Variants in HSF2BP observed in about 807,000 individuals in gnomAD.
The protein encoded by HSF2BP is heat shock transcription factor 2 binding protein.
HSF2BP carries 35 observed loss-of-function variants against 35.0 expected under a neutral mutation model. The observed-to-expected ratio is 1.00, with a 90% confidence interval of 0.76 to 1.32. The LOEUF is 1.32. Ranked by LOEUF, HSF2BP falls within the 40% of genes most tolerant of loss-of-function variation. The probability of loss-of-function intolerance (pLI) is 0.00; values close to 1 mark genes in which losing one functional copy is unlikely to be tolerated. For missense variants in HSF2BP, 326 were observed against 321.7 expected (o/e 1.01, Z -0.10); for synonymous variants, 114 against 117.4 (o/e 0.97, Z 0.18).
At chr21:43,656,794 G>T in intron 2 of HSF2BP, 57 bp from the exon 3 acceptor site, 2 of 1,491,512 alleles carry the variant, frequency 1.3e-6, no homozygotes, top group Non-Finnish European at 1.8e-6. Context: ...AAAAACAACA[G>T]CTCAAGTTAA....
chr21:43,618,539 G>T (rs1206882551), intron 6 of HSF2BP, among the ~76,000 whole-genome samples: 1 of 152,114 alleles, frequency 6.6e-6, no homozygotes, highest in Admixed American at 6.5e-5. Context: ...TTGAACAAAT[G>T]GTGCTAAAAC....
chr21:43,622,484 A>T (rs1584917), intron 6 of HSF2BP, among the ~76,000 whole-genome samples: 2 of 152,038 alleles, frequency 1.3e-5, no homozygotes, highest in South Asian at 4.1e-4. Flanking sequence ...GTGGAAAAAG[A>T]TATCTATGCA....
intron 7 of HSF2BP, among the ~76,000 whole-genome samples, chr21:43,599,144 T>C (rs1490442768): frequency 6.6e-6 from 1 of 152,242 alleles, no homozygotes; most frequent in Non-Finnish European, 1.5e-5. Flanking sequence ...GACTGCCATT[T>C]AGATTTAAGG....
chr21:43,601,984 TG>T (rs1487235869), intron 7 of HSF2BP, among the ~76,000 whole-genome samples: 1 of 152,214 alleles, frequency 6.6e-6, no homozygotes, highest in Non-Finnish European at 1.5e-5. Context: ...CCAATACTTA[TG>T]TGAAAAAGGG....
chr21:43,603,552 C>T (rs944339467), intron 7 of HSF2BP, among the ~76,000 whole-genome samples: 2 of 152,206 alleles, frequency 1.3e-5, no homozygotes, highest in African/African-American at 4.8e-5. Context: ...TGTCAAGTGG[C>T]CATCTCCAGC....
intron 4 of HSF2BP, among the ~76,000 whole-genome samples, chr21:43,639,042 GGAGA>G (rs1215170201): frequency 1.3e-5 from 2 of 152,172 alleles, no homozygotes; most frequent in Non-Finnish European, 2.9e-5. Context: ...ATTCAATGAA[GGAGA>G]GAGAGTCTTT....
intron 7 of HSF2BP, among the ~76,000 whole-genome samples, chr21:43,607,919 T>C (rs2082154275): frequency 1.3e-5 from 2 of 152,198 alleles, no homozygotes; most frequent in South Asian, 4.1e-4. Flanking sequence ...ACTGGACCAC[T>C]ACCTCTAACC....
chr21:43,648,079 A>G (rs1184398438), intron 3 of HSF2BP, among the ~76,000 whole-genome samples: 1 of 152,172 alleles, frequency 6.6e-6, no homozygotes, highest in Non-Finnish European at 1.5e-5. Context: ...GGGTGATATT[A>G]AAACACCACA....
chr21:43,645,293 T>A (rs1265717873), intron 3 of HSF2BP, among the ~76,000 whole-genome samples: 4 of 152,212 alleles, frequency 2.6e-5, no homozygotes, highest in Non-Finnish European at 5.9e-5. Flanking sequence ...CTGGGTTCCA[T>A]CCACAGTTTC....
chr21:43,605,471 C>T (rs1297586540), intron 7 of HSF2BP, among the ~76,000 whole-genome samples: 1 of 145,782 alleles, frequency 6.9e-6, no homozygotes, highest in Non-Finnish European at 1.5e-5. Context: ...CCCACACACC[C>T]CCACACGCCA....
At chr21:43,588,421 G>C (rs2081884749) in intron 8 of HSF2BP, among the ~76,000 whole-genome samples, 3 of 151,952 alleles carry the variant, frequency 2.0e-5, no homozygotes, top group African/African-American at 7.3e-5. Flanking sequence ...CCAGCACTAA[G>C]GCTTCCACCC....
At chr21:43,576,845 TTAA>T (rs145097759) in intron 8 of HSF2BP, among the ~76,000 whole-genome samples, 138 of 152,284 alleles carry the variant, frequency 9.1e-4, no homozygotes, top group African/African-American at 3.2e-3. Flanking sequence ...TCACTTATTA[TTAA>T]TAACAGCTAT....
chr21:43,652,338 G>C (rs2082798815), intron 3 of HSF2BP, among the ~76,000 whole-genome samples: 1 of 149,788 alleles, frequency 6.7e-6, no homozygotes, highest in South Asian at 2.2e-4. Context: ...GGGAGGCAGA[G>C]GTTGCAGTGA....
chr21:43,647,712 T>G (rs369207043), intron 3 of HSF2BP, among the ~76,000 whole-genome samples: 16 of 151,994 alleles, frequency 1.1e-4, no homozygotes, highest in African/African-American at 3.9e-4. Context: ...ACCTGGTATG[T>G]GAGGTCAGGA....
intron 3 of HSF2BP, among the ~76,000 whole-genome samples, chr21:43,649,097 C>T (rs1200832633): frequency 6.6e-6 from 1 of 151,920 alleles, no homozygotes; most frequent in Non-Finnish European, 1.5e-5. Flanking sequence ...CTCTGTTGCC[C>T]AGGCTGGAGT....
intron 4 of HSF2BP, among the ~76,000 whole-genome samples, chr21:43,641,754 C>T (rs9976870): frequency 0.012 from 1,892 of 152,042 alleles, 44 homozygotes; most frequent in African/African-American, 0.043. Context: ...TCAAGACCAG[C>T]CTGGCCAACA....
chr21:43,608,422 T>C (rs1402836537), intron 7 of HSF2BP, among the ~76,000 whole-genome samples: 1 of 152,084 alleles, frequency 6.6e-6, no homozygotes, highest in Non-Finnish European at 1.5e-5. Context: ...CCAGTCAAAA[T>C]GGCTATTACT....
chr21:43,648,553 T>A (rs1277780163), intron 3 of HSF2BP, among the ~76,000 whole-genome samples: 1 of 151,950 alleles, frequency 6.6e-6, no homozygotes, highest in Non-Finnish European at 1.5e-5. Context: ...ATCTCTTCAC[T>A]TTACTCCGTT....
chr21:43,615,601 T>C (rs2082260278), intron 6 of HSF2BP, among the ~76,000 whole-genome samples: 1 of 152,202 alleles, frequency 6.6e-6, no homozygotes, highest in African/African-American at 2.4e-5. Flanking sequence ...AACTATATCA[T>C]TGGTGCAGTG....
Sources: allele counts gnomAD v4.1 joint callset (sites outside exome capture counted in the v4.1 genomes callset), GRCh38; gene constraint gnomAD v4.1.1; transcripts MANE v1.5; gene names NCBI Gene and HGNC (gene_info 2026-07-23, HGNC 2026-07-21).